FBXL7: variants seen among roughly 807,000 people sequenced by gnomAD.
FBXL7 encodes the protein F-box and leucine rich repeat protein 7, also known as F-box/LRR-repeat protein 7.
FBXL7 carries 12 observed loss-of-function variants against 38.3 expected under a neutral mutation model. The ratio of observed to expected loss-of-function variants is 0.31; its 90% CI spans 0.20 to 0.51. FBXL7 has a LOEUF of 0.51. Ranked by LOEUF, FBXL7 falls within the 20% of genes least tolerant of loss-of-function variation. FBXL7 has a pLI of 0.98. For synonymous variants in FBXL7, 297 were observed against 300.9 expected (o/e 0.99, Z 0.13); for missense variants, 567 against 676.4 (o/e 0.84, Z 1.79).
intron 2 of FBXL7, among the ~76,000 whole-genome samples, chr5:15,833,156 A>G (rs1411961569): frequency 6.6e-6 from 1 of 152,188 alleles, no homozygotes; most frequent in Non-Finnish European, 1.5e-5. Context: ...CTTTATCAGC[A>G]GAATGAAAGC....
At chr5:15,882,798 G>T (rs754209858) in intron 2 of FBXL7, among the ~76,000 whole-genome samples, 4 of 152,162 alleles carry the variant, frequency 2.6e-5, no homozygotes, top group Non-Finnish European at 4.4e-5. Flanking sequence ...GATTGAGTTT[G>T]CAGAGCAGCA....
intron 2 of FBXL7, among the ~76,000 whole-genome samples, chr5:15,732,627 A>ATGGTTTAAAACTCTATTTTAAAG (rs1735620472): frequency 6.6e-6 from 1 of 152,254 alleles, no homozygotes; most frequent in African/African-American, 2.4e-5. Context: ...GTTTAAAGTC[A>ATGGTTTAAAACTCTATTTTAAAG]GAATGATGGT....
chr5:15,852,062 GTC>G (rs1739113466), intron 2 of FBXL7, among the ~76,000 whole-genome samples: 1 of 152,106 alleles, frequency 6.6e-6, no homozygotes, highest in Admixed American at 6.6e-5. Flanking sequence ...AGCTAGCTAA[GTC>G]TCTGAGTGTG....
At chr5:15,810,803 C>T (rs905362299) in intron 2 of FBXL7, among the ~76,000 whole-genome samples, 1 of 152,154 alleles carries the variant, frequency 6.6e-6, no homozygotes, top group Non-Finnish European at 1.5e-5. Flanking sequence ...CTCTTCCCAA[C>T]TCTAAAATCC....
At chr5:15,751,381 A>C (rs113411186) in intron 2 of FBXL7, among the ~76,000 whole-genome samples, 1 of 152,196 alleles carries the variant, frequency 6.6e-6, no homozygotes, top group Non-Finnish European at 1.5e-5. Flanking sequence ...TTCTGTAAAC[A>C]TGGAGGTTTA....
At chr5:15,867,984 G>A (rs1275307626) in intron 2 of FBXL7, among the ~76,000 whole-genome samples, 1 of 151,918 alleles carries the variant, frequency 6.6e-6, no homozygotes, top group Non-Finnish European at 1.5e-5. Flanking sequence ...TGCACCTGTA[G>A]TCTCAGCTAC....
In FBXL7 at chr5:15,928,030, T is replaced by TGGGGGGGGGGGGGGGGGGGGGGGGGGGCG; in HGVS notation, c.268_269insGGGGGGGGGGGGGGGGGGGGGGGGGGGCG (p.Ser90TrpfsTer35). 1 of 697,934 alleles carries TGGGGGGGGGGGGGGGGGGGGGGGGGGGCG rather than the reference T, an allele frequency of 1.4e-6. No individual in the cohort carries two copies. The highest frequency in any genetic ancestry group is 4.9e-5 in the East Asian group (1 of 20,374). The allele number at this position is 697,934 out of a possible 1,614,324, so 43.2% of individuals were successfully genotyped here. A position where few individuals can be genotyped will look rare whatever the true frequency, so the allele number is the denominator to read the frequency against. On this transcript the variant is annotated frameshift_variant, in exon 3 of 4. Transcript: ENST00000504595. LOFTEE classifies it high-confidence loss of function. This position sits in a 1 kb window ranked among gnomAD's most constrained non-coding sequence, Gnocchi z 4.0. ...CGGGGAGACGGTGGCCATGGTGCACTCCCCGCCCCCGACCCGCCTCACACA... is the reference window on the plus strand; with the variant it reads ...CGGGGAGACGGTGGCCATGGTGCACTGGGGGGGGGGGGGGGGGGGGGGGGGGGCGCCCCGCCCCCGACCCGCCTCACACA...
At chr5:15,602,124 A>G (rs1739815762) in intron 1 of FBXL7, 1 of 152,164 alleles carries the variant, frequency 6.6e-6, no homozygotes. Context: ...CAGAGTCTCC[A>G]TGGAGCCCTT....
intron 1 of FBXL7, among the ~76,000 whole-genome samples, chr5:15,541,443 G>GTGTGTGTGTATATA (rs1264820921): frequency 2.6e-5 from 1 of 38,426 alleles, no homozygotes; most frequent in African/African-American, 9.4e-5. Flanking sequence ...GTGTGTGTGT[G>GTGTGTGTGTATATA]TATATATATA....
intron 2 of FBXL7, among the ~76,000 whole-genome samples, chr5:15,750,420 C>A (rs1290696136): frequency 6.6e-6 from 1 of 152,164 alleles, no homozygotes; most frequent in Non-Finnish European, 1.5e-5. Flanking sequence ...GTACTACTTG[C>A]TATCACACTA....
At chr5:15,636,450 T>C (rs1229327405) in intron 2 of FBXL7, among the ~76,000 whole-genome samples, 1 of 152,212 alleles carries the variant, frequency 6.6e-6, no homozygotes, top group Non-Finnish European at 1.5e-5. Flanking sequence ...TTGCCAGTAT[T>C]TTATTCATCG....
At chr5:15,632,626 C>T (rs1268292096) in intron 2 of FBXL7, among the ~76,000 whole-genome samples, 1 of 152,152 alleles carries the variant, frequency 6.6e-6, no homozygotes, top group African/African-American at 2.4e-5. Flanking sequence ...CCTAGTTGCC[C>T]ATCAATGGTG....
At chr5:15,640,841 A>C (rs973144036) in intron 2 of FBXL7, among the ~76,000 whole-genome samples, 2 of 152,118 alleles carry the variant, frequency 1.3e-5, no homozygotes, top group African/African-American at 4.8e-5. Context: ...GGGCTTTAAC[A>C]TATCTTTATA....
intron 1 of FBXL7, among the ~76,000 whole-genome samples, chr5:15,572,480 A>G (rs1477874516): frequency 6.6e-6 from 1 of 151,866 alleles, no homozygotes; most frequent in Non-Finnish European, 1.5e-5. Flanking sequence ...CTGCCCTCAA[A>G]TGTGCAGCAA....
chr5:15,713,359 G>A (rs1743938797), intron 2 of FBXL7, among the ~76,000 whole-genome samples: 1 of 152,108 alleles, frequency 6.6e-6, no homozygotes, highest in Admixed American at 6.5e-5. Flanking sequence ...ACAACATGTG[G>A]GAATTATGGG....
chr5:15,917,888 T>C (rs1202064593), intron 2 of FBXL7, among the ~76,000 whole-genome samples: 5 of 151,848 alleles, frequency 3.3e-5, no homozygotes, highest in Non-Finnish European at 5.9e-5. Context: ...TGGCCTCTAA[T>C]AGCAATGCTA....
intron 2 of FBXL7, among the ~76,000 whole-genome samples, chr5:15,669,072 G>A (rs1284905474): frequency 6.6e-6 from 1 of 152,096 alleles, no homozygotes; most frequent in Non-Finnish European, 1.5e-5. Context: ...TGTACAGTGA[G>A]TGCTTCAAAA....
At chr5:15,538,025 C>G (rs1168667338) in intron 1 of FBXL7, among the ~76,000 whole-genome samples, 1 of 152,186 alleles carries the variant, frequency 6.6e-6, no homozygotes, top group Non-Finnish European at 1.5e-5. Context: ...CAACTAGACC[C>G]AGGTTTCATC....
chr5:15,716,245 C>T (rs930440793), intron 2 of FBXL7, among the ~76,000 whole-genome samples: 3 of 152,156 alleles, frequency 2.0e-5, no homozygotes, highest in East Asian at 1.9e-4. Flanking sequence ...ACATGCTGTA[C>T]AGACAATGTG....
Sources: gnomAD v4.1 joint callset for allele counts (sites outside exome capture counted in the v4.1 genomes callset) on GRCh38, gnomAD v4.1.1 for gene constraint, Gnocchi (gnomAD v3.1) non-coding constraint, MANE v1.5 for transcripts, NCBI Gene and HGNC (gene_info 2026-07-23, HGNC 2026-07-21) for gene names.